The following CCDC88C variants were observed in gnomAD, a reference collection of about 807,000 sequenced individuals.
CCDC88C encodes the protein protein Daple.
A neutral mutation model predicts 198.8 loss-of-function variants in CCDC88C; 131 were observed. The ratio of observed to expected loss-of-function variants is 0.66; its 90% CI spans 0.57 to 0.76. CCDC88C has a LOEUF of 0.76. Among genes scored for constraint, CCDC88C ranks in the 30% least tolerant of loss-of-function variants. CCDC88C has a pLI of 0.00. For missense variants in CCDC88C, 2,553 were observed against 2,631.6 expected, an observed-to-expected ratio of 0.97 and a Z score of 0.65; for synonymous variants, 1,166 against 1,114.7, an observed-to-expected ratio of 1.05 and a Z score of -0.92.
rs1893344333 is a variant in CCDC88C, at chr14:91,342,307, G to A, written c.483+73C>T. 5 of 864,854 alleles carry A rather than the reference G, an allele frequency of 5.8e-6. No homozygotes were observed. The South Asian group carries it at 7.2e-5, about 12-fold the overall frequency. The allele number at this position is 864,854 out of a possible 1,614,324, so 53.6% of individuals were successfully genotyped here. On this transcript the variant is annotated intron_variant, in intron 6 of 29. Coordinates refer to ENST00000389857, the MANE Select transcript of CCDC88C (RefSeq NM_001080414.4). ...TATTCTTCAAACGTTTCCACTCATA[G>A]AGAAGTTTTGCCTCCCGGCCACCAC...
chr14:91,372,469 C>A (rs550905342), intron 3 of CCDC88C, among the ~76,000 whole-genome samples: 3 of 136,644 alleles, frequency 2.2e-5, no homozygotes, highest in Non-Finnish European at 3.0e-5. Context: ...AGGAGGTGGC[C>A]GGAAGCTGAA....
rs17127258 is a variant in CCDC88C, at chr14:91,340,168, G to T, written c.484-144C>A. 7,176 of 1,141,934 alleles carry T rather than the reference G, an allele frequency of 6.3e-3. 314 individuals carry two copies. In the African/African-American group the frequency reaches 0.093, roughly 15 times the overall value. The allele number at this position is 1,141,934 out of a possible 1,614,324, so 70.7% of individuals were successfully genotyped here. On this transcript the variant is annotated intron_variant, in intron 6 of 29. Transcript: ENST00000389857. Reference sequence around the variant, plus strand: ...GGTGGCCAGCAAAAGGGTGCCCTACGCAAGTGTGGCCAAACCCTTCAGCAG... The same window carrying T: ...GGTGGCCAGCAAAAGGGTGCCCTACTCAAGTGTGGCCAAACCCTTCAGCAG...
chr14:91,354,536 G>C (rs975167314), intron 4 of CCDC88C, among the ~76,000 whole-genome samples: 1 of 152,206 alleles, frequency 6.6e-6, no homozygotes, highest in African/African-American at 2.4e-5. Context: ...GTCATCTCAG[G>C]CCTAGGGGAG....
At chr14:91,353,449 C>T (rs1316872911) in intron 4 of CCDC88C, among the ~76,000 whole-genome samples, 1 of 152,198 alleles carries the variant, frequency 6.6e-6, no homozygotes, top group African/African-American at 2.4e-5. Context: ...CTGGGGGCTT[C>T]CTGAGCAGAG....
intron 10 of CCDC88C, among the ~76,000 whole-genome samples, chr14:91,333,928 G>T (rs1291873614): frequency 6.6e-6 from 1 of 152,186 alleles, no homozygotes; most frequent in Non-Finnish European, 1.5e-5. Context: ...CAATGGATGT[G>T]GTTGACCAGG....
At chr14:91,375,058 A>G (rs1884312253) in intron 3 of CCDC88C, among the ~76,000 whole-genome samples, 1 of 152,158 alleles carries the variant, frequency 6.6e-6, no homozygotes, top group Non-Finnish European at 1.5e-5. Flanking sequence ...CTAGTTACGA[A>G]GCTACAGACT....
intron 4 of CCDC88C, among the ~76,000 whole-genome samples, chr14:91,345,602 G>A (rs913017113): frequency 6.6e-6 from 1 of 152,084 alleles, no homozygotes; most frequent in Admixed American, 6.6e-5. Flanking sequence ...GACAGGCTCT[G>A]CCATTTCACC....
intron 4 of CCDC88C, among the ~76,000 whole-genome samples, chr14:91,356,702 A>G (rs1004906889): frequency 7.9e-5 from 12 of 152,236 alleles, no homozygotes; most frequent in Non-Finnish European, 1.5e-4. Context: ...AGCTGTTAAA[A>G]AAAAAAATCA....
intron 22 of CCDC88C, among the ~76,000 whole-genome samples, chr14:91,294,571 C>T (rs1336733887): frequency 6.6e-6 from 1 of 152,250 alleles, no homozygotes; most frequent in Non-Finnish European, 1.5e-5. Context: ...TAGTCTGAAT[C>T]ATGATGCACA....
intron 4 of CCDC88C, among the ~76,000 whole-genome samples, chr14:91,346,161 G>A (rs1596095821): frequency 6.6e-6 from 1 of 152,148 alleles, no homozygotes; most frequent in Non-Finnish European, 1.5e-5. Flanking sequence ...ATGAATATGC[G>A]ACCTCCTCCT....
At chr14:91,323,202 G>C (rs191278915) in intron 12 of CCDC88C, among the ~76,000 whole-genome samples, 2 of 152,024 alleles carry the variant, frequency 1.3e-5, no homozygotes, top group Non-Finnish European at 2.9e-5. Context: ...CACTTTGCCC[G>C]GCCCAGTGTT....
chr14:91,285,574 GGCCAT>G (rs1890369476), intron 25 of CCDC88C: 1 of 1,143,970 alleles, frequency 8.7e-7, no homozygotes, highest in Non-Finnish European at 1.1e-6. Context: ...GTCCGCTATC[GGCCAT>G]CTGGCCTTTT....
At chr14:91,358,844 G>A (rs190454138) in intron 4 of CCDC88C, among the ~76,000 whole-genome samples, 1 of 152,192 alleles carries the variant, frequency 6.6e-6, no homozygotes, top group Non-Finnish European at 1.5e-5. Flanking sequence ...CAGAGACTGC[G>A]GGGACCTAGA....
In CCDC88C at chr14:91,314,033, G is replaced by A. The variant is rs1366849541; in HGVS notation, c.1783C>T (p.Leu595Phe). The change falls in exon 15 of 30, where the codon CTC (leucine) becomes TTC (phenylalanine). Residue 595 changes from leucine to phenylalanine, a missense_variant. Physicochemically the swap from Leu to Phe is conservative, Grantham distance 22. This residue lies in a region of CCDC88C where 1,260 missense variants were observed against 1,412.0 expected (regional missense o/e 0.89). Coordinates refer to ENST00000389857, the MANE Select transcript of CCDC88C (RefSeq NM_001080414.4). Reference sequence around the variant, plus strand: ...TTGGCCTCCGTCACCGTCTGGTGGAGGGCTTTGTTCTCCTTCTCCACGTCT... The same window carrying A: ...TTGGCCTCCGTCACCGTCTGGTGGAAGGCTTTGTTCTCCTTCTCCACGTCT... ...MKDVEKENKA[L>F]HQTVTEANGK... is the part of the protein sequence containing the mutation. 11 of 1,613,778 alleles carry A rather than the reference G, an allele frequency of 6.8e-6. No homozygotes were observed. The highest frequency in any genetic ancestry group is 6.7e-5 in the Admixed American group (4 of 59,990).
rs369280264 is a variant in CCDC88C at position 91,339,347 on chromosome 14, T to G, written c.740A>C (p.Glu247Ala). ...TPSPTSSLSS[E>A]DKQHLAVELA... ...CTCTACGGCCAGGTGCTGCTTGTCT[T>G]CGCTAGAGAGGCTGCTGGTGGGGCT... The change falls in exon 8 of 30, where the codon GAA becomes GCA. Residue 247 changes from glutamate (E) to alanine (A), a missense_variant. This residue lies in a region of CCDC88C where 1,260 missense variants were observed against 1,412.0 expected (regional missense o/e 0.89). Coordinates refer to ENST00000389857, the MANE Select transcript of CCDC88C (RefSeq NM_001080414.4). The surrounding 1 kb of genome is among the most constrained non-coding windows in gnomAD (Gnocchi z 5.8). 1 of 1,613,868 alleles carries G rather than the reference T, an allele frequency of 6.2e-7. No homozygotes were observed. The highest frequency in any genetic ancestry group is 8.5e-7 in the Non-Finnish European group (1 of 1,179,878).
chr14:91,360,641 C>A (rs996208605), intron 3 of CCDC88C, among the ~76,000 whole-genome samples: 1 of 152,180 alleles, frequency 6.6e-6, no homozygotes, highest in Non-Finnish European at 1.5e-5. Context: ...AGGTGGGGCA[C>A]AGGCGATGAG....
intron 2 of CCDC88C, among the ~76,000 whole-genome samples, chr14:91,410,714 C>T (rs1054087805): frequency 6.6e-5 from 10 of 152,204 alleles, no homozygotes; most frequent in Non-Finnish European, 1.5e-5. Context: ...ACTGTAGATA[C>T]CTTAAAAGAT....
rs1384614225 is a variant in CCDC88C at position 91,271,754 on chromosome 14, G to C, written c.*871C>G. The C allele has an allele frequency of 6.6e-6, 1 of 152,570 alleles. No homozygotes were observed. Among genetic ancestry groups the C allele is most frequent in the East Asian group, 1.9e-4 (1 of 5,198 alleles). 9.5% of individuals were successfully genotyped at this position (152,570 alleles called of 1,614,324 possible). Reference sequence around the variant, plus strand: ...CAACACCCCGAGACCGGGGATGTCGGGTGCCGCAGCCAGGTTACACATCGA... The same window carrying C: ...CAACACCCCGAGACCGGGGATGTCGCGTGCCGCAGCCAGGTTACACATCGA... On this transcript the variant is annotated 3_prime_UTR_variant, in exon 30 of 30. Transcript: ENST00000389857.
intron 23 of CCDC88C, among the ~76,000 whole-genome samples, chr14:91,293,434 C>CTGCCCCCT (rs1567055299): frequency 7.0e-5 from 10 of 143,292 alleles, no homozygotes; most frequent in South Asian, 2.2e-4. Context: ...GCCCACCTTC[C>CTGCCCCCT]CGTCCTCACC....
Sources: gnomAD v4.1 joint callset for allele counts (sites outside exome capture counted in the v4.1 genomes callset) on GRCh38, gnomAD v4.1.1 for gene constraint, gnomAD v4.1.1 regional missense constraint, Gnocchi (gnomAD v3.1) non-coding constraint, MANE v1.5 for transcripts, NCBI Gene and HGNC (gene_info 2026-07-23, HGNC 2026-07-21) for gene names.